TENT5C: variants seen among roughly 807,000 people sequenced by gnomAD.
TENT5C encodes family with sequence similarity 46 member C.
TENT5C carries 5 observed loss-of-function variants against 22.2 expected under a neutral mutation model. The ratio of observed to expected loss-of-function variants is 0.22; its 90% CI spans 0.12 to 0.47. The LOEUF is 0.47. Among genes scored for constraint, TENT5C ranks in the 20% least tolerant of loss-of-function variants. The pLI, the probability that TENT5C is intolerant of heterozygous loss-of-function variation, is 0.99. For missense variants in TENT5C, 364 were observed against 500.9 expected (o/e 0.73, Z 2.61); for synonymous variants, 199 against 195.4 (o/e 1.02, Z -0.15).
rs930666933 is a variant in TENT5C, at chr1:117,623,904, A to G, written c.1036A>G (p.Ile346Val). 18 of 1,614,002 alleles carry G rather than the reference A, an allele frequency of 1.1e-5. No individual in the cohort carries two copies. The highest frequency in any genetic ancestry group is 4.0e-5 in the African/African-American group (3 of 74,908). Reference sequence around the variant, plus strand: ...CTTGCGTGTGCTGGCGGAACAAAACATCATCCCCAGTGCCACCAACGTCAC... The same window carrying G: ...CTTGCGTGTGCTGGCGGAACAAAACGTCATCCCCAGTGCCACCAACGTCAC... ...LALRVLAEQN[I>V]IPSATNVTCY... is the part of the protein sequence containing the mutation. The change falls in exon 2 of 2, where the codon ATC becomes GTC. Residue 346 changes from isoleucine to valine, a missense_variant. Ile to Val is a conservative substitution (Grantham distance 29). Transcript: ENST00000369448.
At position 117,622,983 on chromosome 1, in the gene TENT5C, G is replaced by T; in HGVS notation, c.115G>T (p.Gly39Cys). The T allele has an allele frequency of 6.2e-7, 1 of 1,614,194 alleles. No homozygotes were observed. Among genetic ancestry groups the T allele is most frequent in the Non-Finnish European group, 8.5e-7 (1 of 1,180,030 alleles). The change falls in exon 2 of 2, where the codon GGC becomes TGC. Residue 39 changes from glycine (G) to cysteine (C), a missense_variant. Transcript: ENST00000369448. ...LTEVVPIHGR[G>C]NFPTLEITLK... Reference sequence around the variant, plus strand: ...TGAAGTTGTACCTATCCACGGACGAGGCAACTTTCCAACCTTGGAGATAAC... The same window carrying T: ...TGAAGTTGTACCTATCCACGGACGATGCAACTTTCCAACCTTGGAGATAAC...
At chr1:117,608,353 T>C (rs937242732) in intron 1 of TENT5C, among the ~76,000 whole-genome samples, 9 of 152,164 alleles carry the variant, frequency 5.9e-5, no homozygotes, top group South Asian at 2.1e-4. Context: ...TGAGCACAAG[T>C]AGCCACTGAA....
At chr1:117,616,100 C>T (rs551719793) in intron 1 of TENT5C, among the ~76,000 whole-genome samples, 204 of 152,310 alleles carry the variant, frequency 1.3e-3, no homozygotes, top group Non-Finnish European at 2.5e-3. Flanking sequence ...AGGGAGTCAG[C>T]AGTTCCCAGA....
chr1:117,612,050 A>T (rs1306577341), intron 1 of TENT5C, among the ~76,000 whole-genome samples: 2 of 152,180 alleles, frequency 1.3e-5, no homozygotes, highest in Non-Finnish European at 2.9e-5. Flanking sequence ...CCATCAGCAA[A>T]AATGTTTCAC....
intron 1 of TENT5C, among the ~76,000 whole-genome samples, chr1:117,620,114 C>G (rs998379017): frequency 6.6e-6 from 1 of 152,176 alleles, no homozygotes; most frequent in African/African-American, 2.4e-5. Context: ...AAAAAAGGCT[C>G]ATAGCTTCCA....
chr1:117,607,350 G>A (rs533464515), intron 1 of TENT5C, among the ~76,000 whole-genome samples: 29 of 152,298 alleles, frequency 1.9e-4, no homozygotes, highest in African/African-American at 7.0e-4. Context: ...GTAGGGGCCT[G>A]CTTCCTTTTT....
In TENT5C at chr1:117,627,302, TA is replaced by T. The variant is rs1654033404; in HGVS notation, c.*3259del. On this transcript the variant is annotated 3_prime_UTR_variant, in exon 2 of 2. Coordinates refer to ENST00000369448, the MANE Select transcript of TENT5C (RefSeq NM_017709.4). ...AAATTGCTAAAACCCTGAATCTGCT[TA>T]TTCTTCAGCTTCACCTCTGCACTAA... 4.0e-6 allele frequency: 1 copy of T among 248,078 alleles called. No homozygotes were observed. 15.4% of individuals were successfully genotyped at this position (248,078 alleles called of 1,614,324 possible).
At position 117,622,015 on chromosome 1, in the gene TENT5C, C is replaced by T. The variant is rs561746447; in HGVS notation, c.-27-827C>T. 2.6e-3 allele frequency among the ~76,000 whole-genome samples: 391 copies of T among 152,244 alleles called. 2 individuals carry two copies. The highest frequency in any genetic ancestry group is 7.5e-3 in the African/African-American group (311 of 41,546). On this transcript the variant is annotated intron_variant, in intron 1 of 1. Coordinates refer to ENST00000369448, the MANE Select transcript of TENT5C (RefSeq NM_017709.4). ...ATTGTTTTCCAAGTACACTTGAAGG[C>T]GCACACTGCCCGGGGGAAGTTGGCC...
intron 1 of TENT5C, among the ~76,000 whole-genome samples, chr1:117,621,360 A>G (rs1028321734): frequency 6.6e-6 from 1 of 152,262 alleles, no homozygotes; most frequent in Middle Eastern, 3.4e-3. Context: ...CACCCCAACC[A>G]GGGACACCCT....
At chr1:117,621,410 A>G (rs994379011) in intron 1 of TENT5C, among the ~76,000 whole-genome samples, 5 of 152,112 alleles carry the variant, frequency 3.3e-5, no homozygotes, top group African/African-American at 1.2e-4. Context: ...CCACCACTGG[A>G]GTTGTCTACA....
rs552595964 is a variant in TENT5C at position 117,624,338 on chromosome 1, G to A, written c.*294G>A. ...CATGTCATGTCCCAAACATTAGCAC[G>A]TGGGGGTTGAGCTCTGTGCAGTAAT... is the stretch of plus-strand genomic sequence containing the variant. On this transcript the variant is annotated 3_prime_UTR_variant, in exon 2 of 2. Transcript: ENST00000369448. The A allele has an allele frequency of 5.3e-4, 213 of 398,892 alleles. No individual in the cohort carries two copies. The highest frequency in any genetic ancestry group is 4.1e-3 in the African/African-American group (204 of 49,716). The allele number at this position is 398,892 out of a possible 1,614,324, so 24.7% of individuals were successfully genotyped here. A position where few individuals can be genotyped will look rare whatever the true frequency, so the allele number is the denominator to read the frequency against.
In TENT5C at chr1:117,623,424, A is replaced by G. The variant is rs1277828975; in HGVS notation, c.556A>G (p.Ile186Val). Reference sequence around the variant, plus strand: ...TGAGTTCAGTGTGGACTCTTTCCAAATCATCCTGGATTCTTTGCTTTTCTT... The same window carrying G: ...TGAGTTCAGTGTGGACTCTTTCCAAGTCATCCTGGATTCTTTGCTTTTCTT... ...QFEFSVDSFQ[I>V]ILDSLLFFYD... Residue 186 changes from isoleucine (I) to valine (V), a missense_variant, in exon 2 of 2, where the codon ATC becomes GTC. Ile to Val is a conservative substitution (Grantham distance 29). This residue lies in a region of TENT5C where 303 missense variants were observed against 394.5 expected (regional missense o/e 0.77). Transcript: ENST00000369448. 1 of 1,613,944 alleles carries G rather than the reference A, an allele frequency of 6.2e-7. No individual in the cohort carries two copies. The highest frequency in any genetic ancestry group is 8.5e-7 in the Non-Finnish European group (1 of 1,180,014).
Position 117,623,729 on chromosome 1 carries a change from G to T in TENT5C, c.861G>T (p.Lys287Asn). ...DFPDILEQQR[K>N]LETYLQNHFA... ...CGGACATCCTTGAACAGCAGAGGAA[G>T]TTGGAGACTTACCTTCAAAACCACT... Residue 287 changes from lysine (K) to asparagine (N), a missense_variant, in exon 2 of 2, where the codon AAG (lysine) becomes AAT (asparagine). Lys to Asn is a moderately conservative substitution (Grantham distance 94, BLOSUM62 0). Coordinates refer to ENST00000369448, the MANE Select transcript of TENT5C (RefSeq NM_017709.4). 1 of 1,614,190 alleles carries T rather than the reference G, an allele frequency of 6.2e-7. No homozygotes were observed. The highest frequency in any genetic ancestry group is 8.5e-7 in the Non-Finnish European group (1 of 1,180,042).
At chr1:117,611,290 C>T (rs1206828695) in intron 1 of TENT5C, among the ~76,000 whole-genome samples, 1 of 152,206 alleles carries the variant, frequency 6.6e-6, no homozygotes, top group African/African-American at 2.4e-5. Flanking sequence ...TGTCTAGAGG[C>T]TTGCTCACAG....
At chr1:117,607,790 G>C (rs1443600324) in intron 1 of TENT5C, among the ~76,000 whole-genome samples, 1 of 152,200 alleles carries the variant, frequency 6.6e-6, no homozygotes, top group African/African-American at 2.4e-5. Context: ...AGTGGAAAAG[G>C]GGGAGGGGGA....
intron 1 of TENT5C, among the ~76,000 whole-genome samples, chr1:117,613,780 A>G (rs1456318060): frequency 2.6e-5 from 4 of 152,204 alleles, no homozygotes; most frequent in Admixed American, 6.5e-5. Flanking sequence ...GCTGAATGCA[A>G]TGGAGCTGAG....
At chr1:117,606,643 C>T (rs1431978752) in intron 1 of TENT5C, among the ~76,000 whole-genome samples, 1 of 152,176 alleles carries the variant, frequency 6.6e-6, no homozygotes, top group East Asian at 1.9e-4. Context: ...CCTTCGCCGG[C>T]CCGCCGAGTG....
chr1:117,611,620 C>T (rs1329069056), intron 1 of TENT5C, among the ~76,000 whole-genome samples: 2 of 152,042 alleles, frequency 1.3e-5, no homozygotes, highest in Non-Finnish European at 1.5e-5. Flanking sequence ...GCAGGAGGAT[C>T]CCTTGAGTCC....
At chr1:117,617,512 C>G (rs1171863909) in intron 1 of TENT5C, among the ~76,000 whole-genome samples, 1 of 152,046 alleles carries the variant, frequency 6.6e-6, no homozygotes, top group Non-Finnish European at 1.5e-5. Context: ...CCTGAATTCT[C>G]AAATCTGCAG....
Sources: gnomAD v4.1 joint callset for allele counts (sites outside exome capture counted in the v4.1 genomes callset) on GRCh38, gnomAD v4.1.1 for gene constraint, gnomAD v4.1.1 regional missense constraint, MANE v1.5 for transcripts, NCBI Gene and HGNC (gene_info 2026-07-23, HGNC 2026-07-21) for gene names.